The following SPIDR variants were observed in gnomAD, a reference collection of about 807,000 sequenced individuals.
The protein encoded by SPIDR is scaffold protein involved in DNA repair.
Under a neutral mutation model 104.6 loss-of-function variants are expected in SPIDR, and 93 were observed. That is an observed-to-expected ratio of 0.89 (90% CI 0.75 to 1.06). The LOEUF (loss-of-function observed/expected upper bound fraction) is 1.06, where lower values mean the gene tolerates loss of function less well. Among genes scored for constraint, SPIDR ranks in the 50% least tolerant of loss-of-function variants. SPIDR has a pLI of 0.00. For missense variants in SPIDR, 1,154 were observed against 1,111.2 expected (o/e 1.04, Z -0.55); for synonymous variants, 431 against 416.9 (o/e 1.03, Z -0.41).
chr8:47,500,894 T>C (rs2080300541), intron 8 of SPIDR, among the ~76,000 whole-genome samples: 1 of 152,226 alleles, frequency 6.6e-6, no homozygotes, highest in Non-Finnish European at 1.5e-5. Context: ...ATTTATTAAA[T>C]AGGGAATCCT....
At chr8:47,291,184 A>G in intron 4 of SPIDR, 47 bp downstream of exon 4, 1 of 1,325,044 alleles carries the variant, frequency 7.5e-7, no homozygotes, top group East Asian at 2.4e-5. Context: ...ACAGGAACAT[A>G]TTGTGTCCAG....
At chr8:47,691,855 C>A (rs907172284) in intron 11 of SPIDR, among the ~76,000 whole-genome samples, 5 of 152,314 alleles carry the variant, frequency 3.3e-5, no homozygotes, top group Admixed American at 3.3e-4. Flanking sequence ...CGCAACCACT[C>A]CAAAAGTAGA....
At chr8:47,275,117 C>G (rs6981629) in intron 1 of SPIDR, among the ~76,000 whole-genome samples, 71,655 of 150,734 alleles carry the variant, frequency 0.48, 20,716 homozygotes, top group African/African-American at 0.82. Context: ...AAATTAGCCG[C>G]GCGTGGTGGG....
At chr8:47,653,713 A>G (rs377583902) in intron 10 of SPIDR, among the ~76,000 whole-genome samples, 2 of 152,220 alleles carry the variant, frequency 1.3e-5, no homozygotes, top group African/African-American at 4.8e-5. Flanking sequence ...TATATTATCT[A>G]TAATGCATAA....
chr8:47,401,616 C>T (rs2154316956), intron 6 of SPIDR, among the ~76,000 whole-genome samples: 1 of 151,608 alleles, frequency 6.6e-6, no homozygotes, highest in South Asian at 2.1e-4. Flanking sequence ...CACATAGGCT[C>T]AAAATGAAGG....
intron 8 of SPIDR, among the ~76,000 whole-genome samples, chr8:47,470,655 G>A (rs1226060614): frequency 1.3e-5 from 2 of 152,142 alleles, no homozygotes; most frequent in Non-Finnish European, 2.9e-5. Context: ...GGGAAAATTG[G>A]AAATCCCTGT....
intron 8 of SPIDR, among the ~76,000 whole-genome samples, chr8:47,450,414 T>C (rs1369156361): frequency 6.6e-6 from 1 of 152,102 alleles, no homozygotes; most frequent in African/African-American, 2.4e-5. Context: ...ATTTATTAGG[T>C]CCCACCTCCC....
intron 8 of SPIDR, among the ~76,000 whole-genome samples, chr8:47,541,644 C>T (rs568494530): frequency 2.5e-4 from 38 of 152,246 alleles, no homozygotes; most frequent in African/African-American, 8.7e-4. Flanking sequence ...CACCTGGAAT[C>T]CCAACACTTT....
At chr8:47,419,642 A>G (rs2065047624) in intron 7 of SPIDR, among the ~76,000 whole-genome samples, 1 of 151,650 alleles carries the variant, frequency 6.6e-6, no homozygotes, top group South Asian at 2.1e-4. Context: ...GATCTTAGTT[A>G]TTTCTTGCCT....
intron 3 of SPIDR, among the ~76,000 whole-genome samples, chr8:47,288,410 G>A (rs1554564965): frequency 3.6e-4 from 54 of 151,832 alleles, no homozygotes; most frequent in Non-Finnish European, 6.8e-4. Flanking sequence ...TCAGTCTCCC[G>A]AGTAGCTGGG....
At chr8:47,355,537 C>T (rs914690884) in intron 5 of SPIDR, among the ~76,000 whole-genome samples, 1 of 152,104 alleles carries the variant, frequency 6.6e-6, no homozygotes. Flanking sequence ...ATCACACATA[C>T]ATGAAAAATA....
At chr8:47,712,309 A>G (rs2081997469) in intron 14 of SPIDR, among the ~76,000 whole-genome samples, 1 of 152,238 alleles carries the variant, frequency 6.6e-6, no homozygotes, top group African/African-American at 2.4e-5. Context: ...TGGAAAGAAT[A>G]ATATGTATGT....
intron 6 of SPIDR, among the ~76,000 whole-genome samples, chr8:47,405,591 A>C (rs2062638760): frequency 6.6e-6 from 1 of 152,150 alleles, no homozygotes; most frequent in African/African-American, 2.4e-5. Flanking sequence ...AATTGATACC[A>C]GTCATCTTTT....
intron 8 of SPIDR, among the ~76,000 whole-genome samples, chr8:47,471,321 A>T (rs1417658412): frequency 8.3e-6 from 1 of 121,102 alleles, no homozygotes; most frequent in South Asian, 2.5e-4. Context: ...CTATAATTCA[A>T]TGTCAAAAAA....
intron 8 of SPIDR, among the ~76,000 whole-genome samples, chr8:47,480,783 C>CA (rs1199920975): frequency 2.0e-5 from 3 of 152,174 alleles, no homozygotes; most frequent in African/African-American, 7.2e-5. Flanking sequence ...GGAAGGGTCT[C>CA]AGCATCTATT....
chr8:47,437,715 C>T (rs2068627553), intron 7 of SPIDR, among the ~76,000 whole-genome samples: 1 of 151,972 alleles, frequency 6.6e-6, no homozygotes, highest in African/African-American at 2.4e-5. Flanking sequence ...GTTAGAATGG[C>T]AGTCATTAAA....
chr8:47,694,828 A>T (rs953123136), intron 11 of SPIDR, among the ~76,000 whole-genome samples: 3 of 152,204 alleles, frequency 2.0e-5, no homozygotes, highest in Admixed American at 2.0e-4. Context: ...TTAAAAAAAA[A>T]TATGAGTTAA....
intron 5 of SPIDR, among the ~76,000 whole-genome samples, chr8:47,317,999 CAG>C (rs1461318934): frequency 1.2e-4 from 19 of 152,238 alleles, no homozygotes; most frequent in African/African-American, 4.3e-4. Context: ...GGAGAAAAAA[CAG>C]AGCAGAAAAA....
chr8:47,378,084 C>A (rs1456354888), intron 5 of SPIDR, among the ~76,000 whole-genome samples: 1 of 152,088 alleles, frequency 6.6e-6, no homozygotes, highest in East Asian at 1.9e-4. Context: ...TAACTTAAAC[C>A]AAGTGTCTTC....
Sources: allele counts gnomAD v4.1 joint callset (sites outside exome capture counted in the v4.1 genomes callset), GRCh38; gene constraint gnomAD v4.1.1; transcripts MANE v1.5; gene names NCBI Gene and HGNC (gene_info 2026-07-23, HGNC 2026-07-21).